GDNF: variants seen among roughly 807,000 people sequenced by gnomAD.
GDNF encodes glial cell derived neurotrophic factor.
In GDNF, 5 loss-of-function variants were observed where a neutral mutation model predicts 13.7. The observed-to-expected ratio is 0.36, with a 90% CI of 0.19 to 0.77. The LOEUF is 0.77. Ranked by LOEUF, GDNF falls within the 30% of genes least tolerant of loss-of-function variation. GDNF has a pLI of 0.51. For synonymous variants in GDNF, 122 were observed against 112.5 expected (o/e 1.08, Z -0.53); for missense variants, 246 against 274.3 (o/e 0.90, Z 0.73).
chr5:37,823,794 G>T (rs537209381), intron 2 of GDNF, among the ~76,000 whole-genome samples: 1 of 152,294 alleles, frequency 6.6e-6, no homozygotes, highest in Non-Finnish European at 1.5e-5. Context: ...TGCTCTCTGG[G>T]GCCTTTTCCA....
At chr5:37,833,178 T>C (rs1004081273) in intron 2 of GDNF, among the ~76,000 whole-genome samples, 3 of 152,202 alleles carry the variant, frequency 2.0e-5, no homozygotes, top group Non-Finnish European at 4.4e-5. Context: ...CTTGGCAACG[T>C]CTGGGTTAGA....
chr5:37,818,138 T>C (rs1192300411), intron 2 of GDNF, among the ~76,000 whole-genome samples: 4 of 152,178 alleles, frequency 2.6e-5, no homozygotes, highest in Non-Finnish European at 4.4e-5. Flanking sequence ...TCATTCTTCA[T>C]TGTGGGAGGC....
chr5:37,833,363 T>C (rs1011953704), intron 2 of GDNF, among the ~76,000 whole-genome samples: 24 of 152,302 alleles, frequency 1.6e-4, no homozygotes, highest in African/African-American at 5.3e-4. Context: ...GTTTATACAG[T>C]TAATTGACAG....
rs1280687293 is a variant in GDNF, at chr5:37,834,667, G to A, written c.130C>T (p.Pro44Ser). The A allele has an allele frequency of 6.2e-7, 1 of 1,603,442 alleles. No homozygotes were observed. Among genetic ancestry groups the A allele is most frequent in the East Asian group, 2.2e-5 (1 of 44,516 alleles). Reference protein sequence around the residue: ...EDRSLGRRRAPFALSSDSNMP... With the variant: ...EDRSLGRRRASFALSSDSNMP... ...TTACAGTCACTGCTCAGCGCGAAGG[G>A]CGCGCGGCGGCGGCCGAGGGAGCGG... Residue 44 changes from proline to serine, a missense_variant, in exon 2 of 3, where the codon CCC becomes TCC. Pro to Ser is a moderately conservative substitution (Grantham distance 74). Coordinates refer to ENST00000326524, the MANE Select transcript of GDNF (RefSeq NM_000514.4).
At chr5:37,823,174 A>C (rs1750199014) in intron 2 of GDNF, 1 of 152,206 alleles carries the variant, frequency 6.6e-6, no homozygotes, top group Non-Finnish European at 1.5e-5. Flanking sequence ...AGAGAAGACA[A>C]ATATTTGGTG....
At chr5:37,825,924 C>A (rs879449244) in intron 2 of GDNF, among the ~76,000 whole-genome samples, 2 of 152,212 alleles carry the variant, frequency 1.3e-5, no homozygotes, top group African/African-American at 4.8e-5. Flanking sequence ...AGTGAATTTA[C>A]GGGAATCTCA....
intron 2 of GDNF, among the ~76,000 whole-genome samples, chr5:37,816,412 C>T (rs918199032): frequency 2.6e-5 from 4 of 152,194 alleles, no homozygotes; most frequent in Non-Finnish European, 5.9e-5. Flanking sequence ...ATAACATTCA[C>T]CATTTTTAAC....
Position 37,815,477 on chromosome 5 carries a change from G to A in GDNF, c.*174C>T. The A allele has an allele frequency of 1.5e-6, 1 of 646,282 alleles. No individual in the cohort carries two copies. The highest frequency in any genetic ancestry group is 2.8e-6 in the Non-Finnish European group (1 of 362,640). 40.0% of individuals were successfully genotyped at this position (646,282 alleles called of 1,614,324 possible). ...GGATCTCCCTCTACCAGGCTCCCAT[G>A]ATGGCTGCCTTCCTCCTCCTCCTCC... On this transcript the variant is annotated 3_prime_UTR_variant, in exon 3 of 3. Coordinates refer to ENST00000326524, the MANE Select transcript of GDNF (RefSeq NM_000514.4). The surrounding 1 kb of genome is among the most constrained non-coding windows in gnomAD (Gnocchi z 5.0).
In GDNF at chr5:37,834,749, G is replaced by C. The variant is rs770776365; in HGVS notation, c.48C>G (p.Thr16=). The C allele has an allele frequency of 2.5e-6, 4 of 1,612,548 alleles. No homozygotes were observed. In the South Asian group the frequency reaches 4.4e-5, roughly 18 times the overall value. ...CGGCGGGCAGCGGGAAGGCGGACGC[G>C]GTGTGGAGCAGCACCAGGCAGACAG... is the stretch of plus-strand genomic sequence containing the variant. ...VVAVCLVLLH[T]ASAFPLPAGK... is the part of the protein sequence containing the mutation. Residue 16 remains threonine, a synonymous_variant, in exon 2 of 3, where the codon ACC becomes ACG. Transcript: ENST00000326524.
chr5:37,836,462 G>C (rs1750711340), intron 1 of GDNF, among the ~76,000 whole-genome samples: 1 of 152,172 alleles, frequency 6.6e-6, no homozygotes, highest in African/African-American at 2.4e-5. Flanking sequence ...TGTTGGGCTC[G>C]AGAGGGTGTA....
In GDNF at chr5:37,815,967, C is replaced by T. The variant is rs1561126061; in HGVS notation, c.320G>A (p.Gly107Asp). 1.9e-6 allele frequency: 3 copies of T among 1,614,182 alleles called. No homozygotes were observed. Among genetic ancestry groups the T allele is most frequent in the Non-Finnish European group, 1.7e-6 (2 of 1,180,024 alleles). ...AANPENSRGKGRRGQRGKNRG... is the reference protein window; with the variant it reads ...AANPENSRGKDRRGQRGKNRG... ...GTTTTTGCCCCTCTGGCCTCTCCGA[C>T]CTTTTCCTCTGGAATTCTCTGGGTT... The change falls in exon 3 of 3, where the codon GGT becomes GAT. Residue 107 changes from glycine to aspartate, a missense_variant. Coordinates refer to ENST00000326524, the MANE Select transcript of GDNF (RefSeq NM_000514.4). The surrounding 1 kb of genome is among the most constrained non-coding windows in gnomAD (Gnocchi z 5.0).
chr5:37,824,065 A>G, intron 2 of GDNF: 1 of 982,710 alleles, frequency 1.0e-6, no homozygotes, highest in East Asian at 1.1e-4. Context: ...TCTTCTCTTA[A>G]ATCATCAAGT....
chr5:37,819,265 A>C (rs1482622790), intron 2 of GDNF, among the ~76,000 whole-genome samples: 2 of 152,116 alleles, frequency 1.3e-5, no homozygotes, highest in Non-Finnish European at 1.5e-5. Flanking sequence ...CTCTGCCCTG[A>C]GTGGCACAGT....
intron 2 of GDNF, among the ~76,000 whole-genome samples, chr5:37,823,579 C>T (rs1025580069): frequency 4.6e-5 from 7 of 152,276 alleles, no homozygotes; most frequent in South Asian, 2.1e-4. Flanking sequence ...CAGTTAAAAC[C>T]GGAAAAGCCG....
intron 1 of GDNF, chr5:37,835,743 TA>T (rs1750681763): frequency 8.7e-7 from 1 of 1,151,500 alleles, no homozygotes; most frequent in African/African-American, 1.5e-5. Context: ...ATTCTGGCCC[TA>T]ATCCCTTCCC....
intron 1 of GDNF, chr5:37,835,395 C>T (rs1750670028): frequency 7.2e-7 from 1 of 1,389,850 alleles, no homozygotes; most frequent in South Asian, 1.6e-5. Context: ...CACCACTCAC[C>T]CAGCCTGCCG....
At chr5:37,827,476 G>C (rs899480185) in intron 2 of GDNF, among the ~76,000 whole-genome samples, 5 of 152,192 alleles carry the variant, frequency 3.3e-5, no homozygotes, top group African/African-American at 1.2e-4. Flanking sequence ...AAGGATGTAT[G>C]GGTGTTCACT....
intron 2 of GDNF, among the ~76,000 whole-genome samples, chr5:37,821,850 A>G (rs1750152429): frequency 6.6e-6 from 1 of 152,234 alleles, no homozygotes; most frequent in Admixed American, 6.5e-5. Context: ...TCCCTGTAAT[A>G]GCTGAACTCA....
chr5:37,838,793 G>T lies in GDNF; in HGVS notation c.-27+714C>A, dbSNP rs1213272134. 1.3e-5 allele frequency among the ~76,000 whole-genome samples: 2 copies of T among 152,172 alleles called. No homozygotes were observed. The highest frequency in any genetic ancestry group is 2.9e-5 in the Non-Finnish European group (2 of 68,042). ...GCGGCACAGAGTACAGGAGAAAAAGGGGTCATTAAAATAATAACCTCAATG... is the reference window on the plus strand; with the variant it reads ...GCGGCACAGAGTACAGGAGAAAAAGTGGTCATTAAAATAATAACCTCAATG... On this transcript the variant is annotated intron_variant, in intron 1 of 2. Transcript: ENST00000326524. This position sits in a 1 kb window ranked among gnomAD's most constrained non-coding sequence, Gnocchi z 4.1.
Sources: allele counts gnomAD v4.1 joint callset (sites outside exome capture counted in the v4.1 genomes callset), GRCh38; gene constraint gnomAD v4.1.1; non-coding constraint Gnocchi (gnomAD v3.1); transcripts MANE v1.5; gene names NCBI Gene and HGNC (gene_info 2026-07-23, HGNC 2026-07-21).